PLEKHA4: variants seen among roughly 807,000 people sequenced by gnomAD.
PLEKHA4 encodes pleckstrin homology domain-containing family A member 4.
In PLEKHA4, 73 loss-of-function variants were observed where a neutral mutation model predicts 94.7. The ratio of observed to expected loss-of-function variants is 0.77; its 90% confidence interval spans 0.64 to 0.94. The LOEUF (loss-of-function observed/expected upper bound fraction) is 0.94. Ranked by LOEUF, PLEKHA4 falls within the 40% of genes least tolerant of loss-of-function variation. The pLI is 0.00. For synonymous variants in PLEKHA4, 449 were observed against 437.1 expected (o/e 1.03, Z -0.34); for missense variants, 1,049 against 1,054.1 (o/e 1.00, Z 0.07).
rs1325388219 is a variant in PLEKHA4, at chr19:48,867,351, G to A, written c.84+186C>T. ...TTAGAATTAGGAAAATACAAAGGGT[G>A]GGGACAGAGCTGGGAGTGCCTCTGA... On this transcript the variant is annotated intron_variant, in intron 2 of 19. Coordinates refer to ENST00000263265, the MANE Select transcript of PLEKHA4 (RefSeq NM_020904.3). The surrounding 1 kb of genome is among the most constrained non-coding windows in gnomAD (Gnocchi z 4.7). Among the ~76,000 whole-genome samples the A allele has an allele frequency of 1.3e-5, 2 of 152,180 alleles. No homozygotes were observed. The highest frequency in any genetic ancestry group is 4.8e-5 in the African/African-American group (2 of 41,444).
chr19:48,839,393 T>G (rs933312088), intron 17 of PLEKHA4, 130 bp from the exon 18 acceptor site: 2 of 523,772 alleles, frequency 3.8e-6, no homozygotes, highest in Non-Finnish European at 6.8e-6. Flanking sequence ...TGTTTTGTTT[T>G]TCCTATGCTT....
At chr19:48,866,496 G>A (rs755242477) in intron 2 of PLEKHA4, among the ~76,000 whole-genome samples, 12 of 152,048 alleles carry the variant, frequency 7.9e-5, no homozygotes, top group African/African-American at 2.9e-4. Flanking sequence ...TAGCAGAGAC[G>A]CGGTTTCGCC....
chr19:48,848,404 T>A (rs1385782436), intron 13 of PLEKHA4, among the ~76,000 whole-genome samples: 1 of 147,498 alleles, frequency 6.8e-6, no homozygotes, highest in African/African-American at 2.5e-5. Flanking sequence ...GAGAATGGCG[T>A]GAACCCGGGA....
chr19:48,843,638 G>A (rs140539463), intron 16 of PLEKHA4, among the ~76,000 whole-genome samples: 2,259 of 151,696 alleles, frequency 0.015, 23 homozygotes, highest in Middle Eastern at 0.044. Context: ...GCACCACCAC[G>A]CACAGCTAAC....
rs149844556 is a variant in PLEKHA4 at position 48,853,812 on chromosome 19, A to G, written c.1196T>C (p.Leu399Pro). 131 of 1,610,646 alleles carry G rather than the reference A, an allele frequency of 8.1e-5. 1 individual carries two copies. The highest frequency in any genetic ancestry group is 2.0e-5 in the Non-Finnish European group (24 of 1,178,338). ...GCCCAGCTGTTGCCGGGTCAACTCC[A>G]GAGCTGCTTCTAGTTGCTCCTGCAC... ...QEEKEQLEAA[L>P]ELTRQQLGQA... The change falls in exon 12 of 20, where the codon CTG (leucine) becomes CCG (proline). Residue 399 changes from leucine to proline, a missense_variant. Transcript: ENST00000263265.
chr19:48,858,422 T>A (rs1381620440), intron 8 of PLEKHA4, among the ~76,000 whole-genome samples: 1 of 151,046 alleles, frequency 6.6e-6, no homozygotes, highest in African/African-American at 2.4e-5. Flanking sequence ...TGGTCAGGAG[T>A]TCGAGACCAG....
chr19:48,863,347 G>A (rs373783372), intron 3 of PLEKHA4, among the ~76,000 whole-genome samples: 47 of 151,860 alleles, frequency 3.1e-4, no homozygotes, highest in Non-Finnish European at 6.6e-4. Context: ...TCTGCCTCCC[G>A]GGTTCAAGCG....
chr19:48,854,243 T>A lies in PLEKHA4; in HGVS notation c.1069A>T (p.Thr357Ser). 2 of 1,614,120 alleles carry A rather than the reference T, an allele frequency of 1.2e-6. No homozygotes were observed. Among genetic ancestry groups the A allele is most frequent in the Non-Finnish European group, 1.7e-6 (2 of 1,179,998 alleles). ...TCTGTCTCCAAGCTTTGGTGGAAAG[T>A]TGACTCCAGGGGAGGACCCGGCTGA... ...VLLPGPPLES[T>S]FHQSLETDTL... The change falls in exon 10 of 20, where the codon ACT (threonine) becomes TCT (serine). Residue 357 changes from threonine (T) to serine (S), a missense_variant. Transcript: ENST00000263265.
At chr19:48,846,928 G>A (rs1199204849) in intron 14 of PLEKHA4, among the ~76,000 whole-genome samples, 3 of 152,152 alleles carry the variant, frequency 2.0e-5, no homozygotes, top group Non-Finnish European at 4.4e-5. Context: ...CCAGGCTGGA[G>A]TACAGTGGTG....
intron 6 of PLEKHA4, 67 bp from the exon 7 acceptor site, chr19:48,859,751 A>G (rs2036566888): frequency 3.5e-6 from 5 of 1,425,512 alleles, no homozygotes; most frequent in East Asian, 2.3e-5. Flanking sequence ...CTCTTGTCAC[A>G]GGTGAGAACA....
intron 17 of PLEKHA4, 26 bp downstream of exon 17, chr19:48,841,123 C>A (rs1327123420): frequency 1.3e-6 from 2 of 1,596,352 alleles, no homozygotes; most frequent in African/African-American, 1.3e-5. Context: ...CACCCCACCG[C>A]CCAGCCCCAG....
intron 12 of PLEKHA4, 145 bp downstream of exon 12, chr19:48,853,537 G>A (rs2036284161): frequency 1.1e-6 from 1 of 890,050 alleles, no homozygotes; most frequent in African/African-American, 1.7e-5. Flanking sequence ...ACAAGACAAT[G>A]AGGAGAGAGA....
Position 48,861,317 on chromosome 19 carries a change from A to G in PLEKHA4, c.366+84T>C, listed in dbSNP as rs2036629528. ...AATGGATATTCCAGTGCTTGTTAGG[A>G]CTTGGAGTTTCCTCGACAGATATCT... On this transcript the variant is annotated intron_variant, in intron 5 of 19. Coordinates refer to ENST00000263265, the MANE Select transcript of PLEKHA4 (RefSeq NM_020904.3). 4 of 1,127,046 alleles carry G rather than the reference A, an allele frequency of 3.5e-6. No individual in the cohort carries two copies. In the East Asian group the frequency reaches 9.4e-5, roughly 26 times the overall value. 69.8% of individuals were successfully genotyped at this position (1,127,046 alleles called of 1,614,324 possible).
chr19:48,855,060 T>A (rs2123058809), intron 9 of PLEKHA4, among the ~76,000 whole-genome samples: 1 of 151,992 alleles, frequency 6.6e-6, no homozygotes, highest in East Asian at 1.9e-4. Flanking sequence ...GTAGACCAAC[T>A]TCCACATTCT....
chr19:48,860,345 C>T lies in PLEKHA4; in HGVS notation c.476+5G>A. On this transcript the variant is annotated splice_donor_5th_base_variant and intron_variant, in intron 6 of 19. Coordinates refer to ENST00000263265, the MANE Select transcript of PLEKHA4 (RefSeq NM_020904.3). ...GTCAGGAGCATGGCTTGGACCTCTA[C>T]TCACTAGTCGTCCCCCTCCGCACGG... 1 of 1,609,902 alleles carries T rather than the reference C, an allele frequency of 6.2e-7. No homozygotes were observed. Among genetic ancestry groups the T allele is most frequent in the South Asian group, 1.1e-5 (1 of 90,992 alleles).
intron 16 of PLEKHA4, chr19:48,844,674 AAC>A: frequency 2.0e-6 from 2 of 984,034 alleles, no homozygotes; most frequent in South Asian, 9.4e-5. Context: ...GCCAATCAGC[AAC>A]AGACACAGAG....
At chr19:48,856,193 A>G (rs370577156) in intron 9 of PLEKHA4, among the ~76,000 whole-genome samples, 4 of 149,504 alleles carry the variant, frequency 2.7e-5, no homozygotes, top group African/African-American at 9.8e-5. Context: ...AGAAAAAGGA[A>G]GGAAAGAAGG....
In PLEKHA4 at chr19:48,858,840, C is replaced by T. The variant is rs749990119; in HGVS notation, c.972+20G>A. The T allele has an allele frequency of 1.9e-6, 3 of 1,613,314 alleles. No individual in the cohort carries two copies. Among genetic ancestry groups the T allele is most frequent in the South Asian group, 2.2e-5 (2 of 91,018 alleles). On this transcript the variant is annotated intron_variant, in intron 8 of 19. Transcript: ENST00000263265. ...GCCTGATGGGAAACGTAGTCCCCTC[C>T]TTCTCACCTCTCTGCTCACCTGTGT...
intron 14 of PLEKHA4, among the ~76,000 whole-genome samples, chr19:48,845,872 G>A (rs1032934215): frequency 2.2e-4 from 34 of 151,750 alleles, no homozygotes; most frequent in Middle Eastern, 3.4e-3. Context: ...TTAGCTGGGC[G>A]TGGTGGCAGG....
Sources: gnomAD v4.1 joint callset for allele counts (sites outside exome capture counted in the v4.1 genomes callset) on GRCh38, gnomAD v4.1.1 for gene constraint, Gnocchi (gnomAD v3.1) non-coding constraint, MANE v1.5 for transcripts, NCBI Gene and HGNC (gene_info 2026-07-23, HGNC 2026-07-21) for gene names.